DPP10: variants seen among roughly 807,000 people sequenced by gnomAD.
DPP10 encodes inactive dipeptidyl peptidase 10.
In DPP10, 33 loss-of-function variants were observed where a neutral mutation model predicts 120.9. The ratio of observed to expected loss-of-function variants is 0.27; its 90% CI spans 0.21 to 0.37. The LOEUF is 0.37. Ranked by LOEUF, DPP10 falls within the 10% of genes least tolerant of loss-of-function variation. The probability of loss-of-function intolerance (pLI) is 1.00; values close to 1 mark genes in which losing one functional copy is unlikely to be tolerated. For missense variants in DPP10, 816 were observed against 942.8 expected, an observed-to-expected ratio of 0.87 and a Z score of 1.76; for synonymous variants, 337 against 326.1, an observed-to-expected ratio of 1.03 and a Z score of -0.36.
intron 1 of DPP10, among the ~76,000 whole-genome samples, chr2:115,186,032 A>C (rs2054412365): frequency 6.6e-6 from 1 of 152,242 alleles, no homozygotes; most frequent in Admixed American, 6.5e-5. Context: ...GTTAGACATG[A>C]GTTTCACACA....
chr2:115,041,514 A>AT (rs900723084), intron 1 of DPP10, among the ~76,000 whole-genome samples: 1 of 151,994 alleles, frequency 6.6e-6, no homozygotes, highest in Non-Finnish European at 1.5e-5. Flanking sequence ...CAGCTTAGTG[A>AT]TTTTTTTTAT....
intron 1 of DPP10, among the ~76,000 whole-genome samples, 176 bp downstream of exon 1, chr2:114,443,014 A>AAT (rs1003337158): frequency 1.2e-4 from 18 of 151,988 alleles, no homozygotes; most frequent in African/African-American, 4.4e-4. Flanking sequence ...GACTGGAAAG[A>AAT]ATAGTTTCCA....
At chr2:114,923,565 G>A (rs1466758926) in intron 1 of DPP10, among the ~76,000 whole-genome samples, 1 of 135,050 alleles carries the variant, frequency 7.4e-6, no homozygotes, top group Non-Finnish European at 1.5e-5. Flanking sequence ...TGCAAGCTCT[G>A]CCACCTGGGT....
chr2:115,635,631 C>T (rs1039980884), intron 5 of DPP10, among the ~76,000 whole-genome samples: 9 of 152,116 alleles, frequency 5.9e-5, no homozygotes, highest in African/African-American at 1.7e-4. Flanking sequence ...AAGTAGTAGC[C>T]GCACCTGTTC....
chr2:115,331,666 A>G (rs534076327), intron 2 of DPP10, among the ~76,000 whole-genome samples: 1 of 152,190 alleles, frequency 6.6e-6, no homozygotes, highest in Non-Finnish European at 1.5e-5. Context: ...CCTTTTCTGC[A>G]TCTATTGAGA....
intron 3 of DPP10, among the ~76,000 whole-genome samples, chr2:115,420,293 T>G (rs2069821080): frequency 6.6e-6 from 1 of 152,174 alleles, no homozygotes; most frequent in Non-Finnish European, 1.5e-5. Flanking sequence ...CAAGGCCTGA[T>G]GAGAACTTTT....
chr2:115,513,839 A>G (rs1441767018), intron 4 of DPP10, among the ~76,000 whole-genome samples: 2 of 152,110 alleles, frequency 1.3e-5, no homozygotes, highest in Non-Finnish European at 2.9e-5. Flanking sequence ...AACTGTGTGG[A>G]TACTTTTACT....
chr2:115,062,305 G>A (rs1015788199), intron 1 of DPP10, among the ~76,000 whole-genome samples: 2 of 151,982 alleles, frequency 1.3e-5, no homozygotes, highest in African/African-American at 4.8e-5. Flanking sequence ...ATTTGTCTTT[G>A]TATTTCCATG....
At chr2:114,769,030 C>A (rs1681002130) in intron 1 of DPP10, among the ~76,000 whole-genome samples, 1 of 151,980 alleles carries the variant, frequency 6.6e-6, no homozygotes, top group African/African-American at 2.4e-5. Flanking sequence ...AAGAGGAAGA[C>A]TAAATTAAGA....
At chr2:115,681,240 A>T (rs2090630256) in intron 5 of DPP10, among the ~76,000 whole-genome samples, 1 of 151,914 alleles carries the variant, frequency 6.6e-6, no homozygotes. Context: ...AATATGTAAT[A>T]AAAATAATTT....
At chr2:115,586,925 T>C (rs924488881) in intron 5 of DPP10, among the ~76,000 whole-genome samples, 1 of 152,094 alleles carries the variant, frequency 6.6e-6, no homozygotes, top group Non-Finnish European at 1.5e-5. Flanking sequence ...AGTATATATG[T>C]GATGATTTGA....
At chr2:114,885,828 A>G (rs1429596508) in intron 1 of DPP10, among the ~76,000 whole-genome samples, 1 of 152,218 alleles carries the variant, frequency 6.6e-6, no homozygotes, top group Admixed American at 6.5e-5. Context: ...TTGCAATCCA[A>G]GTTCTTCCAC....
At chr2:115,782,859 A>G (rs903923870) in intron 17 of DPP10, among the ~76,000 whole-genome samples, 1 of 151,952 alleles carries the variant, frequency 6.6e-6, no homozygotes. Context: ...GCACTTTTTC[A>G]TTTATGAATT....
chr2:115,503,105 C>A (rs867999390), intron 4 of DPP10, among the ~76,000 whole-genome samples: 8 of 152,050 alleles, frequency 5.3e-5, no homozygotes, highest in Non-Finnish European at 1.2e-4. Context: ...TAAATACATT[C>A]TACTAAAAAA....
At chr2:115,528,446 T>TA (rs34267028) in intron 5 of DPP10, among the ~76,000 whole-genome samples, 31,115 of 148,244 alleles carry the variant, frequency 0.21, 4,388 homozygotes, top group African/African-American at 0.4. Context: ...ATTTAAACAT[T>TA]AAAAAAAAAA....
chr2:115,604,703 C>T (rs1475894684), intron 5 of DPP10, among the ~76,000 whole-genome samples: 1 of 3,636 alleles, frequency 2.8e-4, no homozygotes, highest in African/African-American at 3.0e-4. Context: ...TTTAATTATT[C>T]TCTGACTGTC....
chr2:114,781,190 A>G lies in DPP10; in HGVS notation c.60+338352A>G, dbSNP rs117374499. On this transcript the variant is annotated intron_variant, in intron 1 of 25. Coordinates refer to ENST00000410059, the MANE Select transcript of DPP10 (RefSeq NM_020868.6). ...AATAGATCCTAGGAACTTCCATTTA[A>G]CCTGTGAAATCTCTCCACACATACA... Among the ~76,000 whole-genome samples the G allele has an allele frequency of 1.0e-3, 155 of 152,240 alleles. 1 individual carries two copies. In the East Asian group the frequency reaches 0.019, roughly 19 times the overall value.
At chr2:115,310,838 G>C (rs2106032139) in intron 2 of DPP10, among the ~76,000 whole-genome samples, 1 of 152,332 alleles carries the variant, frequency 6.6e-6, no homozygotes, top group South Asian at 2.1e-4. Flanking sequence ...CTATTAGCCA[G>C]ATGGAGGTAT....
intron 1 of DPP10, among the ~76,000 whole-genome samples, chr2:114,948,936 T>C (rs1697569676): frequency 6.6e-6 from 1 of 151,928 alleles, no homozygotes. Flanking sequence ...CTTTGTTTTT[T>C]TTTTTTGAGA....
Sources: gnomAD v4.1 joint callset for allele counts (sites outside exome capture counted in the v4.1 genomes callset) on GRCh38, gnomAD v4.1.1 for gene constraint, MANE v1.5 for transcripts, NCBI Gene and HGNC (gene_info 2026-07-23, HGNC 2026-07-21) for gene names.